The following RGS5 variants were observed in gnomAD, a reference collection of about 807,000 sequenced individuals.
The protein encoded by RGS5 is regulator of G protein signaling 5.
In RGS5, 20 loss-of-function variants were observed where a neutral mutation model predicts 18.9. The ratio of observed to expected loss-of-function variants is 1.06; its 90% CI spans 0.74 to 1.54. The LOEUF is 1.54. Among genes scored for constraint, RGS5 ranks in the 40% most tolerant of loss-of-function variants. RGS5 has a pLI of 0.00. For synonymous variants in RGS5, 57 were observed against 76.2 expected, an observed-to-expected ratio of 0.75 and a Z score of 1.31; for missense variants, 201 against 211.8, an observed-to-expected ratio of 0.95 and a Z score of 0.32.
At chr1:163,259,318 A>ATTT (rs147396685) in intron 2 of RGS5, among the ~76,000 whole-genome samples, 1 of 146,774 alleles carries the variant, frequency 6.8e-6, no homozygotes, top group South Asian at 2.2e-4. Context: ...TGCCCGGCTA[A>ATTT]TTTTTTTTTT....
At chr1:163,310,235 T>C (rs1408423818) in intron 1 of RGS5, among the ~76,000 whole-genome samples, 4 of 152,052 alleles carry the variant, frequency 2.6e-5, no homozygotes, top group Non-Finnish European at 4.4e-5. Context: ...CTAACAAGAG[T>C]CATTCTGTCC....
chr1:163,143,143 CCTATT>C lies in RGS5; in HGVS notation c.*4194_*4198del, dbSNP rs1429494780. On this transcript the variant is annotated 3_prime_UTR_variant, in exon 5 of 5. Transcript: ENST00000313961. Reference sequence around the variant, plus strand: ...GTCATTGCTCTCGTTTGCCTCAGAACCTATTTGGTGAAAAGTGTGTTTAACACAAA... The same window carrying C: ...GTCATTGCTCTCGTTTGCCTCAGAACTGGTGAAAAGTGTGTTTAACACAAA... The C allele has an allele frequency of 1.3e-5, 2 of 152,152 alleles. No individual in the cohort carries two copies. The highest frequency in any genetic ancestry group is 4.8e-5 in the African/African-American group (2 of 41,428). The allele number at this position is 152,152 out of a possible 1,614,324, so 9.4% of individuals were successfully genotyped here.
chr1:163,216,892 C>T (rs1571298626), intron 1 of RGS5, among the ~76,000 whole-genome samples: 2 of 152,142 alleles, frequency 1.3e-5, no homozygotes, highest in Admixed American at 6.5e-5. Context: ...ACTTCACAAC[C>T]CCCAAGTACT....
At chr1:163,205,933 G>A (rs771409211), upstream of RGS5, among the ~76,000 whole-genome samples, 1 of 152,114 alleles carries the variant, frequency 6.6e-6, no homozygotes. Context: ...GTGAACAGAC[G>A]TCTATTCACT....
chr1:163,168,435 C>A (rs1329064889), intron 1 of RGS5, 67 bp from the exon 2 acceptor site: 3 of 1,178,254 alleles, frequency 2.5e-6, no homozygotes, highest in Non-Finnish European at 2.5e-6. Flanking sequence ...GAAGAGATTT[C>A]TTCCTGTGTC....
chr1:163,294,152 C>T (rs547840991), intron 2 of RGS5, among the ~76,000 whole-genome samples: 294 of 152,294 alleles, frequency 1.9e-3, no homozygotes, highest in Non-Finnish European at 3.3e-3. Flanking sequence ...CTAGGCAGTG[C>T]CCCAGTGGGG....
chr1:163,191,384 T>A (rs899026869), intron 1 of RGS5, among the ~76,000 whole-genome samples: 2 of 152,002 alleles, frequency 1.3e-5, no homozygotes, highest in Non-Finnish European at 2.9e-5. Flanking sequence ...TAGCCAGCCA[T>A]CATTTATTCA....
At chr1:163,310,151 C>A (rs571376117) in intron 1 of RGS5, among the ~76,000 whole-genome samples, 17 of 152,284 alleles carry the variant, frequency 1.1e-4, no homozygotes, top group African/African-American at 4.1e-4. Context: ...CAGCATAATT[C>A]TTAAGGGCTG....
intron 2 of RGS5, among the ~76,000 whole-genome samples, chr1:163,279,687 G>T (rs1557929188): frequency 6.6e-6 from 1 of 151,354 alleles, no homozygotes; most frequent in African/African-American, 2.4e-5. Context: ...AACAAAACAG[G>T]GACTTTAAAA....
At chr1:163,177,327 TTATTG>T (rs1400668260) in intron 1 of RGS5, among the ~76,000 whole-genome samples, 13 of 152,356 alleles carry the variant, frequency 8.5e-5, no homozygotes, top group African/African-American at 3.1e-4. Flanking sequence ...GCTTAGAATA[TTATTG>T]TATCTGAGCA....
rs150124492 is a variant in RGS5, at chr1:163,193,106, A to G, written c.44+9686T>C. Among the ~76,000 whole-genome samples the G allele has an allele frequency of 6.0e-3, 918 of 152,296 alleles. 11 individuals carry two copies. The highest frequency in any genetic ancestry group is 0.021 in the African/African-American group (861 of 41,562). On this transcript the variant is annotated intron_variant, in intron 1 of 4. Coordinates refer to ENST00000313961, the MANE Select transcript of RGS5 (RefSeq NM_003617.4). ...GAGAGCACTTCACATTTTTACAAGT[A>G]CTTTATTTCGTGTTGCTTTTCTTCT...
chr1:163,148,481 T>C (rs12094937), intron 4 of RGS5, among the ~76,000 whole-genome samples: 33,005 of 152,210 alleles, frequency 0.22, 6,127 homozygotes, highest in African/African-American at 0.51. Context: ...TGAACTCATT[T>C]AATCTTATAA....
chr1:163,269,006 T>G (rs1038602885), intron 2 of RGS5, among the ~76,000 whole-genome samples: 1 of 152,160 alleles, frequency 6.6e-6, no homozygotes, highest in African/African-American at 2.4e-5. Flanking sequence ...TAGACCTCTA[T>G]GCTGTCGACT....
At chr1:163,300,623 G>A (rs1338787054) in intron 2 of RGS5, 2 of 152,148 alleles carry the variant, frequency 1.3e-5, no homozygotes, top group African/African-American at 2.4e-5. Context: ...GCTGTAATTG[G>A]CCTCAAGAGG....
In RGS5 at chr1:163,270,615, G is replaced by A. The variant is rs565429749; in HGVS notation, c.-281+35618C>T. ...AAGCCAGAAAATGAATTTACCTGTT[G>A]AGAAGACAGATTACTGAGAAAATAA... On this transcript the variant is annotated intron_variant, in intron 2 of 5. Coordinates refer to the RGS5 transcript ENST00000618415. Among the ~76,000 whole-genome samples the A allele has an allele frequency of 2.6e-5, 4 of 152,222 alleles. No individual in the cohort carries two copies. In the South Asian group the frequency reaches 8.3e-4, roughly 32 times the overall value.
chr1:163,152,760 C>A, intron 3 of RGS5, 44 bp from the exon 4 acceptor site: 1 of 1,510,598 alleles, frequency 6.6e-7, no homozygotes, highest in Non-Finnish European at 8.9e-7. Flanking sequence ...TATTAATTTA[C>A]TTAACAAATA....
chr1:163,273,169 C>T (rs184070125), intron 2 of RGS5, among the ~76,000 whole-genome samples: 168 of 152,142 alleles, frequency 1.1e-3, no homozygotes, highest in Admixed American at 1.8e-3. Context: ...CATCTATCTG[C>T]AGAATTTTCC....
At chr1:163,195,263 TGTC>T (rs1314591115) in intron 1 of RGS5, among the ~76,000 whole-genome samples, 2 of 152,206 alleles carry the variant, frequency 1.3e-5, no homozygotes. Flanking sequence ...AATGGAATAA[TGTC>T]GTTTGCAGCA....
intron 2 of RGS5, among the ~76,000 whole-genome samples, chr1:163,277,160 ACTTAACTCTTTCAACC>A (rs2101716058): frequency 6.6e-6 from 1 of 152,306 alleles, no homozygotes; most frequent in African/African-American, 2.4e-5. Flanking sequence ...TTAGATAATA[ACTTAACTCTTTCAACC>A]AACTGCCAAT....
Sources: allele counts gnomAD v4.1 joint callset (sites outside exome capture counted in the v4.1 genomes callset), GRCh38; gene constraint gnomAD v4.1.1; transcripts MANE v1.5; gene names NCBI Gene and HGNC (gene_info 2026-07-23, HGNC 2026-07-21).